The following ITGA8 variants were observed in gnomAD, a reference collection of about 807,000 sequenced individuals.
ITGA8 encodes integrin alpha-8.
ITGA8 carries 91 observed loss-of-function variants against 142.3 expected under a neutral mutation model. The observed-to-expected ratio is 0.64, with a 90% CI of 0.54 to 0.76. The LOEUF is 0.76. Ranked by LOEUF, ITGA8 falls within the 30% of genes least tolerant of loss-of-function variation. ITGA8 has a pLI of 0.00. For missense variants in ITGA8, 1,406 were observed against 1,327.7 expected, an observed-to-expected ratio of 1.06 and a Z score of -0.92; for synonymous variants, 505 against 485.2, an observed-to-expected ratio of 1.04 and a Z score of -0.54.
chr10:15,659,133 A>C, intron 9 of ITGA8, 78 bp from the exon 10 acceptor site: 1 of 965,706 alleles, frequency 1.0e-6, no homozygotes, highest in Non-Finnish European at 1.5e-6. Context: ...AACTTGAATC[A>C]TTTAAAATTT....
At chr10:15,669,014 G>A (rs549409075) in intron 8 of ITGA8, among the ~76,000 whole-genome samples, 2 of 152,260 alleles carry the variant, frequency 1.3e-5, no homozygotes, top group East Asian at 1.9e-4. Flanking sequence ...TACTCTTCTG[G>A]AGGAGTATCT....
intron 27 of ITGA8, among the ~76,000 whole-genome samples, chr10:15,543,904 G>T (rs1833621333): frequency 6.6e-6 from 1 of 152,102 alleles, no homozygotes; most frequent in East Asian, 1.9e-4. Context: ...AAGACACAGG[G>T]ACACAGAGAC....
chr10:15,644,962 G>A (rs1377729423), intron 12 of ITGA8, among the ~76,000 whole-genome samples: 9 of 151,070 alleles, frequency 6.0e-5, no homozygotes, highest in South Asian at 2.1e-4. Context: ...GCGTAGTGGC[G>A]GGCGCCTGTA....
intron 27 of ITGA8, among the ~76,000 whole-genome samples, chr10:15,540,495 G>A (rs1007425006): frequency 6.6e-6 from 1 of 152,204 alleles, no homozygotes; most frequent in African/African-American, 2.4e-5. Context: ...GAGGGTTTCA[G>A]TTTGAAAGAT....
At chr10:15,634,292 G>A (rs1833733871) in intron 13 of ITGA8, among the ~76,000 whole-genome samples, 1 of 151,938 alleles carries the variant, frequency 6.6e-6, no homozygotes, top group African/African-American at 2.4e-5. Context: ...TGCCCATATA[G>A]TAACAATATG....
At chr10:15,525,417 C>T (rs769441952) in intron 28 of ITGA8, among the ~76,000 whole-genome samples, 6 of 151,644 alleles carry the variant, frequency 4.0e-5, no homozygotes, top group Non-Finnish European at 5.9e-5. Flanking sequence ...CCTAGGTGAG[C>T]GGATCACCTG....
chr10:15,634,862 G>T (rs1417627225), intron 13 of ITGA8, among the ~76,000 whole-genome samples: 4 of 152,104 alleles, frequency 2.6e-5, no homozygotes, highest in Non-Finnish European at 5.9e-5. Flanking sequence ...GTTTACATAA[G>T]ATGTTTATCA....
intron 22 of ITGA8, 38 bp from the exon 23 acceptor site, chr10:15,586,702 C>T (rs1486535502): frequency 7.6e-6 from 9 of 1,182,972 alleles, no homozygotes; most frequent in Non-Finnish European, 1.0e-5. Flanking sequence ...TCTATCTGCT[C>T]AGGAGTATTA....
At chr10:15,705,158 G>A (rs1406231128) in intron 2 of ITGA8, among the ~76,000 whole-genome samples, 1 of 152,084 alleles carries the variant, frequency 6.6e-6, no homozygotes, top group Non-Finnish European at 1.5e-5. Context: ...ACCTAAACAG[G>A]TAGGGCCATG....
intron 3 of ITGA8, among the ~76,000 whole-genome samples, chr10:15,686,218 T>C (rs1834830751): frequency 6.6e-6 from 1 of 152,192 alleles, no homozygotes; most frequent in South Asian, 2.1e-4. Flanking sequence ...TAAAGATAAC[T>C]CCTAGTCTCA....
intron 2 of ITGA8, 106 bp from the exon 3 acceptor site, chr10:15,688,144 G>A: frequency 6.6e-6 from 5 of 756,194 alleles, no homozygotes; most frequent in Non-Finnish European, 1.1e-5. Flanking sequence ...ACCAATCCTT[G>A]TCAAACTCCT....
intron 21 of ITGA8, among the ~76,000 whole-genome samples, chr10:15,594,688 A>G (rs1464474355): frequency 2.0e-5 from 3 of 152,152 alleles, no homozygotes; most frequent in African/African-American, 7.2e-5. Flanking sequence ...AGGCTGAGGC[A>G]GGAGAATCGC....
intron 12 of ITGA8, 50 bp from the exon 13 acceptor site, chr10:15,644,271 C>A: frequency 6.6e-7 from 1 of 1,516,642 alleles, no homozygotes; most frequent in Non-Finnish European, 9.0e-7. Context: ...TTTAATTCTT[C>A]ATTTGTTCAT....
intron 2 of ITGA8, among the ~76,000 whole-genome samples, chr10:15,708,062 C>T (rs1006424386): frequency 6.6e-6 from 1 of 151,790 alleles, no homozygotes; most frequent in Non-Finnish European, 1.5e-5. Context: ...TCCTATGAAC[C>T]CCATCCGACG....
intron 21 of ITGA8, chr10:15,596,953 G>A: frequency 2.5e-6 from 1 of 397,394 alleles, no homozygotes; most frequent in South Asian, 7.8e-5. Flanking sequence ...TAAAATTGTT[G>A]TAACTAAAAG....
rs150411535 is a variant in ITGA8, at chr10:15,644,098, T to C, written c.1331A>G (p.His444Arg). Residue 444 changes from histidine (H) to arginine (R), a missense_variant, in exon 13 of 30, where the codon CAT (histidine) becomes CGT (arginine). Coordinates refer to ENST00000378076, the MANE Select transcript of ITGA8 (RefSeq NM_003638.3). ...SQVLQGVWAS[H>R]AVPSGFGFTL... The stretch of plus-strand genomic sequence containing the variant: ...AAAGCCAAATCCGGAAGGGACAGCA[T>C]GTGAGGCCCACACTCCTTGCAGAAC... 6.2e-6 allele frequency: 10 copies of C among 1,614,014 alleles called. No homozygotes were observed. In the African/African-American group the frequency reaches 1.2e-4, roughly 19 times the overall value.
chr10:15,682,709 G>T (rs1160016987), intron 4 of ITGA8, among the ~76,000 whole-genome samples: 2 of 151,986 alleles, frequency 1.3e-5, no homozygotes, highest in African/African-American at 4.8e-5. Context: ...ACAAAAATTA[G>T]GCATGGTGGC....
In ITGA8 at chr10:15,655,503, C is replaced by T. The variant is rs1021087939; in HGVS notation, c.949-97G>A. The T allele has an allele frequency of 1.2e-5, 10 of 851,090 alleles. No homozygotes were observed. In the Middle Eastern group the frequency reaches 1.1e-3, roughly 98 times the overall value. 52.7% of individuals were successfully genotyped at this position (851,090 alleles called of 1,614,324 possible). On this transcript the variant is annotated intron_variant, in intron 10 of 29. Coordinates refer to ENST00000378076, the MANE Select transcript of ITGA8 (RefSeq NM_003638.3). ...CTGAAAGATTCATCTCATTGTGGTA[C>T]ATTTTTGCATTGAAATTCATAGATT...
chr10:15,710,863 T>C (rs1835350814), intron 2 of ITGA8, among the ~76,000 whole-genome samples: 1 of 152,226 alleles, frequency 6.6e-6, no homozygotes, highest in Non-Finnish European at 1.5e-5. Context: ...AACCTATTCC[T>C]GTTGCAGTGG....
Sources: gnomAD v4.1 joint callset for allele counts (sites outside exome capture counted in the v4.1 genomes callset) on GRCh38, gnomAD v4.1.1 for gene constraint, MANE v1.5 for transcripts, NCBI Gene and HGNC (gene_info 2026-07-23, HGNC 2026-07-21) for gene names.